Variants in TRIM13 observed in about 807,000 individuals in gnomAD.
TRIM13 encodes the protein E3 ubiquitin-protein ligase TRIM13.
In TRIM13, 15 loss-of-function variants were observed where a neutral mutation model predicts 27.1. That is an observed-to-expected ratio of 0.55 (90% confidence interval 0.37 to 0.85). The LOEUF is 0.85. Among genes scored for constraint, TRIM13 ranks in the 40% least tolerant of loss-of-function variants. TRIM13 has a pLI of 0.00. For synonymous variants in TRIM13, 193 were observed against 171.5 expected, an observed-to-expected ratio of 1.13 and a Z score of -0.98; for missense variants, 402 against 472.2, an observed-to-expected ratio of 0.85 and a Z score of 1.38.
chr13:50,012,324 C>G lies in TRIM13; in HGVS notation c.384C>G (p.Phe128Leu). Residue 128 changes from phenylalanine to leucine, a missense_variant, in exon 2 of 2, where the codon TTC becomes TTG. Coordinates refer to ENST00000378182, the MANE Select transcript of TRIM13 (RefSeq NM_213590.3). ...ATRGEHTKHV[F>L]CSIEDAYAQE... The stretch of plus-strand genomic sequence containing the variant: ...GTGGGGAGCACACCAAACATGTCTT[C>G]TGTTCTATTGAAGATGCCTATGCTC... 1 of 1,614,156 alleles carries G rather than the reference C, an allele frequency of 6.2e-7. No individual in the cohort carries two copies. The highest frequency in any genetic ancestry group is 8.5e-7 in the Non-Finnish European group (1 of 1,180,008).
At chr13:50,003,059 G>C (rs1874244227) in intron 1 of TRIM13, among the ~76,000 whole-genome samples, 1 of 152,144 alleles carries the variant, frequency 6.6e-6, no homozygotes, top group Admixed American at 6.5e-5. Flanking sequence ...TACACTATTT[G>C]AAAATAAGAT....
intron 1 of TRIM13, among the ~76,000 whole-genome samples, chr13:49,998,210 A>G (rs1873495655): frequency 6.6e-6 from 1 of 152,152 alleles, no homozygotes; most frequent in African/African-American, 2.4e-5. Context: ...TTCTTGCACA[A>G]TGGGAGCGTC....
At position 50,014,213 on chromosome 13, in the gene TRIM13, T is replaced by TA. The variant is rs920070664; in HGVS notation, c.*1051dup. 116 of 160,976 alleles carry TA rather than the reference T, an allele frequency of 7.2e-4. No homozygotes were observed. The highest frequency in any genetic ancestry group is 2.9e-3 in the African/African-American group (114 of 39,788). The allele number at this position is 160,976 out of a possible 1,614,324, so 10.0% of individuals were successfully genotyped here. On this transcript the variant is annotated 3_prime_UTR_variant, in exon 2 of 2. Coordinates refer to ENST00000378182, the MANE Select transcript of TRIM13 (RefSeq NM_213590.3). ...GGCTGGGCAGGGTGGCTCATGTCTA[T>TA]AATCTCAGCATTCTAGGACAGTGAT...
intron 1 of TRIM13, among the ~76,000 whole-genome samples, chr13:50,005,237 T>G (rs1874537866): frequency 6.6e-6 from 1 of 152,118 alleles, no homozygotes; most frequent in Non-Finnish European, 1.5e-5. Flanking sequence ...TACCTTTTAT[T>G]TATGATATTA....
rs1875796805 is a variant in TRIM13 at position 50,012,649 on chromosome 13, G to C, written c.709G>C (p.Glu237Gln). ...QEQRMAFNIA[E>Q]AFKDVSEPIV... ...GCAACGGATGGCCTTTAACATTGCT[G>C]AGGCTTTCAAAGATGTGTCAGAACC... The change falls in exon 2 of 2, where the codon GAG becomes CAG. Residue 237 changes from glutamate to glutamine, a missense_variant. Physicochemically the swap from Glu to Gln is conservative, Grantham distance 29 (BLOSUM62 2). Around this residue, in one of 2 missense-constraint regions of TRIM13, gnomAD observed 200 missense variants for 194.7 expected, o/e 1.03. Transcript: ENST00000378182. 1.9e-6 allele frequency: 3 copies of C among 1,613,994 alleles called. No individual in the cohort carries two copies. In the South Asian group the frequency reaches 3.3e-5, roughly 18 times the overall value.
Position 50,015,429 on chromosome 13 carries a change from T to G in TRIM13, c.*2265T>G. The stretch of plus-strand genomic sequence containing the variant: ...CATAATCATGTATAACTAGCAACAT[T>G]TATGGTTATAGGTTGATTTCCTAAG... On this transcript the variant is annotated 3_prime_UTR_variant, in exon 2 of 2. Transcript: ENST00000378182. 1 of 1,195,434 alleles carries G rather than the reference T, an allele frequency of 8.4e-7. No homozygotes were observed. Among genetic ancestry groups the G allele is most frequent in the East Asian group, 2.3e-5 (1 of 42,768 alleles). The allele number at this position is 1,195,434 out of a possible 1,614,324, so 74.1% of individuals were successfully genotyped here. A position where few individuals can be genotyped will look rare whatever the true frequency, so the allele number is the denominator to read the frequency against.
chr13:50,009,045 AG>A (rs1875204714), intron 1 of TRIM13, among the ~76,000 whole-genome samples: 2 of 146,492 alleles, frequency 1.4e-5, no homozygotes, highest in African/African-American at 2.5e-5. Flanking sequence ...AAAAAAAAAG[AG>A]AATCCCAAGA....
Position 50,015,948 on chromosome 13 carries a change from G to A in TRIM13, c.*2784G>A. On this transcript the variant is annotated 3_prime_UTR_variant, in exon 2 of 2. Transcript: ENST00000378182. ...ACAGAACAACCTTCAGCGCCGACCT[G>A]GAATGGTAACTTTTTCCCTCCTCAG... is the stretch of plus-strand genomic sequence containing the variant. 10 of 1,614,078 alleles carry A rather than the reference G, an allele frequency of 6.2e-6. No individual in the cohort carries two copies. Among genetic ancestry groups the A allele is most frequent in the Non-Finnish European group, 8.5e-6 (10 of 1,179,958 alleles).
Position 50,013,027 on chromosome 13 carries a change from G to C in TRIM13, c.1087G>C (p.Asp363His). Residue 363 changes from aspartate (D) to histidine (H), a missense_variant, in exon 2 of 2, where the codon GAT (aspartate) becomes CAT (histidine). Transcript: ENST00000378182. ...NFSSYLTKTADFIEQSVFYWE... is the reference protein window; with the variant it reads ...NFSSYLTKTAHFIEQSVFYWE... ...CAGTTCCTATCTGACTAAAACAGCC[G>C]ATTTCATAGAACAATCAGTTTTTTA... 1 of 1,613,910 alleles carries C rather than the reference G, an allele frequency of 6.2e-7. No homozygotes were observed. Among genetic ancestry groups the C allele is most frequent in the Non-Finnish European group, 8.5e-7 (1 of 1,179,952 alleles).
At position 50,013,353 on chromosome 13, in the gene TRIM13, C is replaced by CT. The variant is rs548318354; in HGVS notation, c.*196dup. ...GAAATTTAGTAGTATAGGCCTGAAC[C>CT]TTTTTTTGTTTAAAAGAGTGCTTTT... On this transcript the variant is annotated 3_prime_UTR_variant, in exon 2 of 2. Coordinates refer to ENST00000378182, the MANE Select transcript of TRIM13 (RefSeq NM_213590.3). The CT allele has an allele frequency of 1.4e-5, 7 of 513,774 alleles. No homozygotes were observed. The highest frequency in any genetic ancestry group is 3.6e-5 in the East Asian group (1 of 27,724). 31.8% of individuals were successfully genotyped at this position (513,774 alleles called of 1,614,324 possible). A position where few individuals can be genotyped will look rare whatever the true frequency, so the allele number is the denominator to read the frequency against.
At chr13:50,010,644 A>C (rs1220888577) in intron 1 of TRIM13, among the ~76,000 whole-genome samples, 2 of 152,206 alleles carry the variant, frequency 1.3e-5, no homozygotes, top group African/African-American at 4.8e-5. Flanking sequence ...ATTAATGGGA[A>C]GCTGTCAGGC....
chr13:50,016,292 A>C lies in TRIM13; in HGVS notation c.*3128A>C. 4.3e-6 allele frequency: 2 copies of C among 469,192 alleles called. No homozygotes were observed. The highest frequency in any genetic ancestry group is 7.8e-6 in the Non-Finnish European group (2 of 256,406). 29.1% of individuals were successfully genotyped at this position (469,192 alleles called of 1,614,324 possible). A position where few individuals can be genotyped will look rare whatever the true frequency, so the allele number is the denominator to read the frequency against. ...ATTATTAGGTGGGACAAAAGGAATA[A>C]ATGAAGACTGCCCAGAAAAAACTGA... On this transcript the variant is annotated 3_prime_UTR_variant, in exon 2 of 2. Coordinates refer to ENST00000378182, the MANE Select transcript of TRIM13 (RefSeq NM_213590.3).
rs1022049679 is a variant in TRIM13 at position 50,016,133 on chromosome 13, T to C, written c.*2969T>C. The C allele has an allele frequency of 2.4e-6, 3 of 1,263,578 alleles. No homozygotes were observed. The highest frequency in any genetic ancestry group is 2.0e-4 in the Middle Eastern group (1 of 4,908). 78.3% of individuals were successfully genotyped at this position (1,263,578 alleles called of 1,614,324 possible). A position where few individuals can be genotyped will look rare whatever the true frequency, so the allele number is the denominator to read the frequency against. Reference sequence around the variant, plus strand: ...GTTTGTGATGTTTTCTCTAAAAACTTGAAGTTCCTCAGGCCTGTAACTTCT... The same window carrying C: ...GTTTGTGATGTTTTCTCTAAAAACTCGAAGTTCCTCAGGCCTGTAACTTCT... On this transcript the variant is annotated 3_prime_UTR_variant, in exon 2 of 2. Coordinates refer to ENST00000378182, the MANE Select transcript of TRIM13 (RefSeq NM_213590.3).
chr13:50,006,302 C>T (rs1253119486), intron 1 of TRIM13, among the ~76,000 whole-genome samples: 1 of 152,056 alleles, frequency 6.6e-6, no homozygotes, highest in Non-Finnish European at 1.5e-5. Flanking sequence ...TTCTTGGCCC[C>T]TGTCGTTGTA....
In TRIM13 at chr13:50,012,025, TTC is replaced by T; in HGVS notation, c.87_88del (p.Phe29LeufsTer30). The part of the protein sequence containing the change: ...DPRVLPCSHN[F>X]CKKCLEGILE... ...ACGGGTTTTGCCTTGCTCCCACAAC[TTC>T]TGCAAAAAATGCTTAGAAGGTATCT... On this transcript the variant is annotated frameshift_variant, in exon 2 of 2. Transcript: ENST00000378182. LOFTEE classifies it high-confidence loss of function. 6.2e-7 allele frequency: 1 copy of T among 1,614,036 alleles called. No individual in the cohort carries two copies. The highest frequency in any genetic ancestry group is 8.5e-7 in the Non-Finnish European group (1 of 1,179,958).
Position 50,017,170 on chromosome 13 carries a change from T to C in TRIM13, c.*4006T>C, listed in dbSNP as rs1192888733. On this transcript the variant is annotated 3_prime_UTR_variant, in exon 2 of 2. Transcript: ENST00000378182. ...TTTATCTCAAACCTCTGTACAACTT[T>C]ATTTTCATTGATGGGATACTTTAAC... 4 of 167,078 alleles carry C rather than the reference T, an allele frequency of 2.4e-5. No individual in the cohort carries two copies. Among genetic ancestry groups the C allele is most frequent in the Non-Finnish European group, 5.9e-5 (4 of 68,114 alleles). 10.3% of individuals were successfully genotyped at this position (167,078 alleles called of 1,614,324 possible).
At chr13:50,007,787 A>C (rs1051913770) in intron 1 of TRIM13, among the ~76,000 whole-genome samples, 148 of 150,396 alleles carry the variant, frequency 9.8e-4, no homozygotes, top group Non-Finnish European at 1.1e-3. Flanking sequence ...AGTCTCAAAA[A>C]AAAAAAAAAA....
In TRIM13 at chr13:50,012,383, G is replaced by C. The variant is rs751034732; in HGVS notation, c.443G>C (p.Ser148Thr). ...ERDAFESLFQSFETWRRGDAL... is the reference protein window; with the variant it reads ...ERDAFESLFQTFETWRRGDAL... ...GATGCCTTTGAGTCCCTCTTCCAGAGCTTTGAGACCTGGCGTCGGGGAGAT... is the reference window on the plus strand; with the variant it reads ...GATGCCTTTGAGTCCCTCTTCCAGACCTTTGAGACCTGGCGTCGGGGAGAT... The change falls in exon 2 of 2, where the codon AGC (serine) becomes ACC (threonine). Residue 148 changes from serine to threonine, a missense_variant. By Grantham distance (58) the Ser-to-Thr change is moderately conservative (BLOSUM62 1). This residue lies in a region of TRIM13 where 202 missense variants were observed against 277.5 expected (regional missense o/e 0.73). Coordinates refer to ENST00000378182, the MANE Select transcript of TRIM13 (RefSeq NM_213590.3). 1 of 1,614,150 alleles carries C rather than the reference G, an allele frequency of 6.2e-7. No individual in the cohort carries two copies. Among genetic ancestry groups the C allele is most frequent in the Non-Finnish European group, 8.5e-7 (1 of 1,180,012 alleles).
At chr13:49,999,218 A>G (rs1873696123) in intron 1 of TRIM13, among the ~76,000 whole-genome samples, 1 of 152,090 alleles carries the variant, frequency 6.6e-6, no homozygotes, top group Non-Finnish European at 1.5e-5. Flanking sequence ...CTACATTTGC[A>G]TAACAAAAAA....
Sources: gnomAD v4.1 joint callset for allele counts (sites outside exome capture counted in the v4.1 genomes callset) on GRCh38, gnomAD v4.1.1 for gene constraint, gnomAD v4.1.1 regional missense constraint, MANE v1.5 for transcripts, NCBI Gene and HGNC (gene_info 2026-07-23, HGNC 2026-07-21) for gene names.